ZNG1B: variants seen among roughly 807,000 people sequenced by gnomAD.
ZNG1B encodes Zn regulated GTPase metalloprotein activator 1B.
the ZNG1B span, chr2:113,482,050 T>C: frequency 1.0e-6 from 1 of 1,003,380 alleles, no homozygotes; most frequent in Non-Finnish European, 1.4e-6. Context: ...ACTTGTAAAA[T>C]TGGAATTACA....
chr2:113,481,619 G>C, the ZNG1B span: 1 of 153,606 alleles, frequency 6.5e-6, no homozygotes, highest in African/African-American at 2.4e-5. Flanking sequence ...TTTCATATCA[G>C]AACAATGCAT....
chr2:113,494,565 T>C, the ZNG1B span: 1 of 919,622 alleles, frequency 1.1e-6, no homozygotes. Flanking sequence ...TAAATTAATT[T>C]CATCCCCATA....
chr2:113,480,038 C>A, the ZNG1B span, among the ~76,000 whole-genome samples: 22 of 151,586 alleles, frequency 1.5e-4, no homozygotes, highest in African/African-American at 5.1e-4. Flanking sequence ...CGAAGCTGAT[C>A]TTAAACTCCT....
chr2:113,437,767 G>T, the ZNG1B span: 2 of 1,535,088 alleles, frequency 1.3e-6, no homozygotes, highest in Admixed American at 1.8e-5. Context: ...GATGACGTCA[G>T]GCCCCGGGCA....
the ZNG1B span, chr2:113,445,131 A>T: frequency 6.4e-7 from 1 of 1,562,582 alleles, no homozygotes; most frequent in South Asian, 1.2e-5. Flanking sequence ...AGGAATATCT[A>T]ACATGAGGAT....
At chr2:113,477,913 ATTATTTGTCTTT>A in the ZNG1B span, among the ~76,000 whole-genome samples, 2 of 152,212 alleles carry the variant, frequency 1.3e-5, no homozygotes, top group Admixed American at 1.3e-4. Context: ...GGAATCATGC[ATTATTTGTCTTT>A]CTGTGACTGG....
At chr2:113,477,378 C>T in the ZNG1B span, among the ~76,000 whole-genome samples, 3 of 152,118 alleles carry the variant, frequency 2.0e-5, no homozygotes, top group Non-Finnish European at 2.9e-5. Flanking sequence ...TGCTTCGGCT[C>T]GCGGATGGTG....
At chr2:113,475,359 C>A in the ZNG1B span, among the ~76,000 whole-genome samples, 25 of 152,062 alleles carry the variant, frequency 1.6e-4, no homozygotes, top group Non-Finnish European at 3.4e-4. Context: ...TTCCTCCATC[C>A]CTTTATTTTG....
the ZNG1B span, among the ~76,000 whole-genome samples, chr2:113,457,401 T>TA: frequency 6.9e-6 from 1 of 145,110 alleles, no homozygotes; most frequent in East Asian, 2.0e-4. Flanking sequence ...TGCTGCTTTT[T>TA]AAAAATGACA....
the ZNG1B span, among the ~76,000 whole-genome samples, chr2:113,451,122 T>C: frequency 2.0e-5 from 3 of 152,046 alleles, no homozygotes; most frequent in Admixed American, 6.5e-5. Context: ...TTGAAATTTT[T>C]TTGTTGACTT....
chr2:113,478,311 T>C, the ZNG1B span, among the ~76,000 whole-genome samples: 185 of 152,250 alleles, frequency 1.2e-3, no homozygotes, highest in African/African-American at 4.3e-3. Context: ...TGGGGCTCTC[T>C]GTCACTCAGG....
chr2:113,453,252 A>C, the ZNG1B span: 67 of 1,558,752 alleles, frequency 4.3e-5, no homozygotes, highest in Middle Eastern at 2.3e-4. Flanking sequence ...TTTTTTTTTT[A>C]TTTTTTTCTG....
the ZNG1B span, among the ~76,000 whole-genome samples, chr2:113,472,304 G>A: frequency 0.02 from 3,022 of 152,088 alleles, 91 homozygotes; most frequent in African/African-American, 0.069. Flanking sequence ...GTCTGTTCAT[G>A]TCCTTCACCC....
chr2:113,452,383 C>G, the ZNG1B span, among the ~76,000 whole-genome samples: 1 of 151,552 alleles, frequency 6.6e-6, no homozygotes, highest in Non-Finnish European at 1.5e-5. Context: ...TTCTCCTACA[C>G]TCATTCTTTT....
chr2:113,462,870 C>G, the ZNG1B span: 1 of 333,894 alleles, frequency 3.0e-6, no homozygotes, highest in Non-Finnish European at 5.3e-6. Context: ...TGTATTCTCA[C>G]TCTGCCAATC....
At chr2:113,442,219 AT>A in the ZNG1B span, among the ~76,000 whole-genome samples, 1 of 151,936 alleles carries the variant, frequency 6.6e-6, no homozygotes, top group Admixed American at 6.6e-5. Context: ...ATCCTCATGT[AT>A]TTTAAGTTAT....
the ZNG1B span, chr2:113,444,905 A>G: frequency 1.9e-6 from 3 of 1,598,374 alleles, no homozygotes; most frequent in Non-Finnish European, 2.6e-6. Flanking sequence ...AAGTGTTTAT[A>G]ATAATCACTT....
chr2:113,481,527 C>T, the ZNG1B span: 1 of 152,072 alleles, frequency 6.6e-6, no homozygotes, highest in Admixed American at 6.5e-5. Flanking sequence ...TTCCCCCTCC[C>T]GTCCTGTCCC....
the ZNG1B span, chr2:113,460,569 T>G: frequency 7.1e-7 from 1 of 1,408,870 alleles, no homozygotes; most frequent in South Asian, 1.2e-5. Context: ...CATGTTGAAG[T>G]TTTTATTAGA....
Sources: gnomAD v4.1 joint callset for allele counts (sites outside exome capture counted in the v4.1 genomes callset) on GRCh38, gnomAD v4.1.1 for gene constraint, MANE v1.5 for transcripts, NCBI Gene and HGNC (gene_info 2026-07-23, HGNC 2026-07-21) for gene names.